CUX2: variants seen among roughly 807,000 people sequenced by gnomAD.
The protein encoded by CUX2 is homeobox protein cut-like 2.
CUX2 carries 40 observed loss-of-function variants against 144.8 expected under a neutral mutation model. The observed-to-expected ratio is 0.28, with a 90% CI of 0.21 to 0.36. CUX2 has a LOEUF of 0.36. CUX2 is among the 10% of genes least tolerant of loss of function. CUX2 has a pLI of 1.00. For synonymous variants in CUX2, 827 were observed against 875.6 expected (o/e 0.94, Z 0.98); for missense variants, 1,615 against 1,994.0 (o/e 0.81, Z 3.62).
rs1869495796 is a variant in CUX2, at chr12:111,037,111, G to T, written c.63+2871G>T. 6.6e-6 allele frequency among the ~76,000 whole-genome samples: 1 copy of T among 152,212 alleles called. No homozygotes were observed. Among genetic ancestry groups the T allele is most frequent in the Non-Finnish European group, 1.5e-5 (1 of 68,034 alleles). Reference sequence around the variant, plus strand: ...TTCTGCCGGCTTTTTCTGAGATCCAGGTAGGAGAGGCAGGTCCCCGTGCCC... The same window carrying T: ...TTCTGCCGGCTTTTTCTGAGATCCATGTAGGAGAGGCAGGTCCCCGTGCCC... On this transcript the variant is annotated intron_variant, in intron 1 of 21. Transcript: ENST00000261726. This position sits in a 1 kb window ranked among gnomAD's most constrained non-coding sequence, Gnocchi z 5.4.
intron 20 of CUX2, among the ~76,000 whole-genome samples, 199 bp downstream of exon 20, chr12:111,338,673 G>T (rs1479161438): frequency 6.6e-6 from 1 of 152,182 alleles, no homozygotes; most frequent in South Asian, 2.1e-4. Context: ...CTGTCGCAGT[G>T]GCAGGGCATG....
chr12:111,083,643 T>C (rs918663649), intron 1 of CUX2, among the ~76,000 whole-genome samples: 8 of 152,030 alleles, frequency 5.3e-5, no homozygotes, highest in African/African-American at 1.7e-4. Flanking sequence ...CTGTGCAGTT[T>C]AGTGAGAACC....
chr12:111,310,018 G>C lies in CUX2; in HGVS notation c.1259-23G>C. The C allele has an allele frequency of 1.6e-6, 2 of 1,283,370 alleles. No individual in the cohort carries two copies. The highest frequency in any genetic ancestry group is 2.0e-6 in the Non-Finnish European group (2 of 1,016,572). The allele number at this position is 1,283,370 out of a possible 1,614,324, so 79.5% of individuals were successfully genotyped here. A position where few individuals can be genotyped will look rare whatever the true frequency, so the allele number is the denominator to read the frequency against. ...CATCGTCTTCCCCGTCTGTCTGTCT[G>C]TCTGTCTGTCTGGGTGTTCTAGAGG... On this transcript the variant is annotated intron_variant, in intron 14 of 21. Transcript: ENST00000261726. The surrounding 1 kb of genome is among the most constrained non-coding windows in gnomAD (Gnocchi z 7.9).
At chr12:111,074,256 G>A (rs1871398694) in intron 1 of CUX2, among the ~76,000 whole-genome samples, 1 of 151,928 alleles carries the variant, frequency 6.6e-6, no homozygotes, top group Non-Finnish European at 1.5e-5. Context: ...TCACCTGGGG[G>A]CTTGTTAAAG....
chr12:111,122,125 C>T (rs540198643), intron 1 of CUX2, among the ~76,000 whole-genome samples: 12 of 152,214 alleles, frequency 7.9e-5, no homozygotes, highest in African/African-American at 2.9e-4. Context: ...TGCCAAAAAG[C>T]CTTTCACGAG....
At chr12:111,336,506 C>G (rs1160513733) in intron 19 of CUX2, among the ~76,000 whole-genome samples, 14 of 151,356 alleles carry the variant, frequency 9.2e-5, no homozygotes, top group African/African-American at 3.4e-4. Context: ...GGAGTGCAGT[C>G]GTACGATCTC....
chr12:111,256,676 G>C (rs1267677718), intron 3 of CUX2, among the ~76,000 whole-genome samples: 2 of 152,142 alleles, frequency 1.3e-5, no homozygotes, highest in Admixed American at 1.3e-4. Flanking sequence ...GCCCTGGAGT[G>C]AGAGGCACCT....
intron 1 of CUX2, among the ~76,000 whole-genome samples, chr12:111,115,573 A>G (rs1022728419): frequency 1.3e-5 from 2 of 151,984 alleles, no homozygotes; most frequent in Non-Finnish European, 2.9e-5. Flanking sequence ...TCTTAATAAT[A>G]TTGAATCTTC....
At chr12:111,044,836 A>T (rs1869921011) in intron 1 of CUX2, among the ~76,000 whole-genome samples, 1 of 152,142 alleles carries the variant, frequency 6.6e-6, no homozygotes, top group Non-Finnish European at 1.5e-5. Context: ...TGGCTCTTGA[A>T]AGTTGCTGGG....
At chr12:111,242,483 C>A (rs1029490833) in intron 3 of CUX2, among the ~76,000 whole-genome samples, 8 of 152,156 alleles carry the variant, frequency 5.3e-5, no homozygotes, top group African/African-American at 1.9e-4. Context: ...TGCTCCGTGG[C>A]TCTTGATGAA....
chr12:111,182,764 T>A (rs958440222), intron 1 of CUX2, among the ~76,000 whole-genome samples: 11 of 152,166 alleles, frequency 7.2e-5, no homozygotes, highest in African/African-American at 2.7e-4. Context: ...CCAAGGCAAG[T>A]GGTCATCTTC....
chr12:111,298,389 G>A (rs1886120876), intron 8 of CUX2, 152 bp from the exon 9 acceptor site: 1 of 732,236 alleles, frequency 1.4e-6, no homozygotes, highest in African/African-American at 1.8e-5. Flanking sequence ...TTTCCTCGAA[G>A]CCTAGGCTCT....
intron 18 of CUX2, among the ~76,000 whole-genome samples, chr12:111,324,135 A>G (rs1028152655): frequency 2.0e-5 from 3 of 152,122 alleles, no homozygotes; most frequent in Non-Finnish European, 4.4e-5. Context: ...CGGATCACAA[A>G]GTCAGGAGTT....
Position 111,087,522 on chromosome 12 carries a change from G to T in CUX2, c.63+53282G>T, listed in dbSNP as rs572209081. 1.0e-3 allele frequency among the ~76,000 whole-genome samples: 156 copies of T among 152,196 alleles called. 1 individual carries two copies. Among genetic ancestry groups the T allele is most frequent in the African/African-American group, 3.6e-3 (148 of 41,536 alleles). On this transcript the variant is annotated intron_variant, in intron 1 of 21. Coordinates refer to ENST00000261726, the MANE Select transcript of CUX2 (RefSeq NM_015267.4). ...AATACTATTCCTTGAGAAAACACAC[G>T]CAAGTGCTTTGCACTTAACCTGGCT...
chr12:111,259,590 G>A (rs1037548859), intron 3 of CUX2, among the ~76,000 whole-genome samples: 10 of 152,204 alleles, frequency 6.6e-5, no homozygotes, highest in East Asian at 3.9e-4. Flanking sequence ...GTAGCTGGAC[G>A]CAGTGCCTCA....
rs1262699475 is a variant in CUX2, at chr12:111,059,147, T to C, written c.63+24907T>C. ...GCAGCCCAGCAGGTACCAGCCTCAT[T>C]TTCCAGCCCTCACTCAAAATGGAGT... On this transcript the variant is annotated intron_variant, in intron 1 of 21. Transcript: ENST00000261726. The surrounding 1 kb of genome is among the most constrained non-coding windows in gnomAD (Gnocchi z 5.3). Among the ~76,000 whole-genome samples, 1 of 152,190 alleles carries C rather than the reference T, an allele frequency of 6.6e-6. No individual in the cohort carries two copies. The highest frequency in any genetic ancestry group is 1.5e-5 in the Non-Finnish European group (1 of 68,044).
rs1325074898 is a variant in CUX2 at position 111,308,496 on chromosome 12, C to T, written c.1228C>T (p.Leu410=). Residue 410 remains leucine, a synonymous_variant, in exon 14 of 22, where the codon CTG becomes TTG. Coordinates refer to ENST00000261726, the MANE Select transcript of CUX2 (RefSeq NM_015267.4). ...CTTCTTCCCCACGCAGAAATTCCTT[C>T]TGGAGAAGCCCAGCCTCCTGGCCAG... is the stretch of plus-strand genomic sequence containing the variant. ...EAFFPTQKFL[L]EKPSLLASPE... 5 of 1,613,788 alleles carry T rather than the reference C, an allele frequency of 3.1e-6. No homozygotes were observed. Among genetic ancestry groups the T allele is most frequent in the South Asian group, 1.1e-5 (1 of 90,966 alleles).
At chr12:111,096,201 A>G (rs1460440741) in intron 1 of CUX2, among the ~76,000 whole-genome samples, 1 of 152,124 alleles carries the variant, frequency 6.6e-6, no homozygotes, top group Non-Finnish European at 1.5e-5. Flanking sequence ...TCTGGTCCGC[A>G]TTCTTGCCAA....
At chr12:111,149,663 C>G (rs1876914504) in intron 1 of CUX2, among the ~76,000 whole-genome samples, 1 of 152,174 alleles carries the variant, frequency 6.6e-6, no homozygotes, top group African/African-American at 2.4e-5. Context: ...GTTTTAAAGC[C>G]ACACCAATCC....
Sources: gnomAD v4.1 joint callset for allele counts (sites outside exome capture counted in the v4.1 genomes callset) on GRCh38, gnomAD v4.1.1 for gene constraint, Gnocchi (gnomAD v3.1) non-coding constraint, MANE v1.5 for transcripts, NCBI Gene and HGNC (gene_info 2026-07-23, HGNC 2026-07-21) for gene names.